Variants in KRTAP7-1 observed in about 807,000 individuals in gnomAD.
KRTAP7-1 encodes keratin-associated protein 7-1.
In KRTAP7-1, 4 loss-of-function variants were observed where a neutral mutation model predicts 5.1. The ratio of observed to expected loss-of-function variants is 0.78; its 90% CI spans 0.38 to 1.79. The LOEUF (loss-of-function observed/expected upper bound fraction) is 1.79, where lower values mean the gene tolerates loss of function less well. Among genes scored for constraint, KRTAP7-1 ranks in the 40% most tolerant of loss-of-function variants. The pLI is 0.04. For synonymous variants in KRTAP7-1, 42 were observed against 41.5 expected, an observed-to-expected ratio of 1.01 and a Z score of -0.05; for missense variants, 98 against 105.3, an observed-to-expected ratio of 0.93 and a Z score of 0.30.
In KRTAP7-1 at chr21:30,829,510, G is replaced by T. The variant is rs1448418574; in HGVS notation, c.189C>A (p.Asn63Lys). Residue 63 changes from asparagine (N) to lysine (K), a missense_variant, in exon 1 of 1, where the codon AAC becomes AAA. By Grantham distance (94) the Asn-to-Lys change is moderately conservative. Coordinates refer to ENST00000621162, the MANE Select transcript of KRTAP7-1 (RefSeq NM_181606.3). ...AGCTACCACCATAGCAGCCGCCCAGGTTGTTGATGTTGCTACCACCAAAGC... is the reference window on the plus strand; with the variant it reads ...AGCTACCACCATAGCAGCCGCCCAGTTTGTTGATGTTGCTACCACCAAAGC... ...GYSFGGSNIN[N>K]LGGCYGGSFY... 6.4e-7 allele frequency: 1 copy of T among 1,551,532 alleles called. No homozygotes were observed. The highest frequency in any genetic ancestry group is 8.7e-7 in the Non-Finnish European group (1 of 1,146,966).
At position 30,829,246 on chromosome 21, in the gene KRTAP7-1, T is replaced by G. The variant is rs575154053; in HGVS notation, c.*189A>C. On this transcript the variant is annotated 3_prime_UTR_variant, in exon 1 of 1. Coordinates refer to ENST00000621162, the MANE Select transcript of KRTAP7-1 (RefSeq NM_181606.3). ...TCCTTTGTCTGTAGATGAGTATCAGTTCAGCACCTGAGTCCTGGGTGACTT... is the reference window on the plus strand; with the variant it reads ...TCCTTTGTCTGTAGATGAGTATCAGGTCAGCACCTGAGTCCTGGGTGACTT... 6 of 640,746 alleles carry G rather than the reference T, an allele frequency of 9.4e-6. No individual in the cohort carries two copies. Among genetic ancestry groups the G allele is most frequent in the Non-Finnish European group, 7.9e-6 (3 of 379,060 alleles). The allele number at this position is 640,746 out of a possible 1,614,324, so 39.7% of individuals were successfully genotyped here.
At position 30,829,613 on chromosome 21, in the gene KRTAP7-1, G is replaced by A. The variant is rs1371000387; in HGVS notation, c.86C>T (p.Pro29Leu). ...GCCCAGAGGCACAACACAGTTCAAG[G>A]GGGTGGCTCTGAAGGTCCCATGGAA... Reference protein sequence around the residue: ...TNFHGTFRATPLNCVVPLGSP... With the variant: ...TNFHGTFRATLLNCVVPLGSP... Residue 29 changes from proline (P) to leucine (L), a missense_variant, in exon 1 of 1, where the codon CCC (proline) becomes CTC (leucine). By Grantham distance (98) the Pro-to-Leu change is moderately conservative. Transcript: ENST00000621162. 6.4e-7 allele frequency: 1 copy of A among 1,551,494 alleles called. No homozygotes were observed. Among genetic ancestry groups the A allele is most frequent in the Non-Finnish European group, 8.7e-7 (1 of 1,146,948 alleles).
rs778982123 is a variant in KRTAP7-1, at chr21:30,829,505, C to T, written c.194G>A (p.Gly65Asp). ...SFGGSNINNL[G>D]GCYGGSFYRP... is the part of the protein sequence containing the mutation. Reference sequence around the variant, plus strand: ...ATAGAAGCTACCACCATAGCAGCCGCCCAGGTTGTTGATGTTGCTACCACC... The same window carrying T: ...ATAGAAGCTACCACCATAGCAGCCGTCCAGGTTGTTGATGTTGCTACCACC... The change falls in exon 1 of 1, where the codon GGC becomes GAC. Residue 65 changes from glycine (G) to aspartate (D), a missense_variant. Coordinates refer to ENST00000621162, the MANE Select transcript of KRTAP7-1 (RefSeq NM_181606.3). The T allele has an allele frequency of 1.1e-5, 17 of 1,551,478 alleles. No homozygotes were observed. The highest frequency in any genetic ancestry group is 7.3e-5 in the East Asian group (3 of 40,916).
At position 30,829,579 on chromosome 21, in the gene KRTAP7-1, C is replaced by G; in HGVS notation, c.120G>C (p.Leu40=). The part of the protein sequence containing the change: ...LNCVVPLGSP[L]NYGCGCNGYS... The stretch of plus-strand genomic sequence containing the variant: ...AGCCATTGCATCCACAGCCATAGTT[C>G]AGGGGAGAGCCCAGAGGCACAACAC... Residue 40 remains leucine, a synonymous_variant, in exon 1 of 1, where the codon CTG becomes CTC. Coordinates refer to ENST00000621162, the MANE Select transcript of KRTAP7-1 (RefSeq NM_181606.3). 6.4e-7 allele frequency: 1 copy of G among 1,551,628 alleles called. No individual in the cohort carries two copies. Among genetic ancestry groups the G allele is most frequent in the Non-Finnish European group, 8.7e-7 (1 of 1,146,968 alleles).
At position 30,829,610 on chromosome 21, in the gene KRTAP7-1, A is replaced by T; in HGVS notation, c.89T>A (p.Leu30Ter). 6.4e-7 allele frequency: 1 copy of T among 1,551,644 alleles called. No individual in the cohort carries two copies. The highest frequency in any genetic ancestry group is 8.7e-7 in the Non-Finnish European group (1 of 1,146,934). ...NFHGTFRATPLNCVVPLGSPL... is the reference protein window; with the variant it reads ...NFHGTFRATP Reference sequence around the variant, plus strand: ...AGAGCCCAGAGGCACAACACAGTTCAAGGGGGTGGCTCTGAAGGTCCCATG... The same window carrying T: ...AGAGCCCAGAGGCACAACACAGTTCTAGGGGGTGGCTCTGAAGGTCCCATG... The change falls in exon 1 of 1, where the codon TTG becomes TAG. Residue 30 changes from leucine (L) to a stop codon, truncating the protein, a stop_gained. Transcript: ENST00000621162. LOFTEE classifies it high-confidence loss of function.
In KRTAP7-1 at chr21:30,829,329, G is replaced by T; in HGVS notation, c.*106C>A. The T allele has an allele frequency of 1.6e-6, 2 of 1,259,040 alleles. No homozygotes were observed. The highest frequency in any genetic ancestry group is 2.2e-6 in the Non-Finnish European group (2 of 924,558). 78.0% of individuals were successfully genotyped at this position (1,259,040 alleles called of 1,614,324 possible). On this transcript the variant is annotated 3_prime_UTR_variant, in exon 1 of 1. Coordinates refer to ENST00000621162, the MANE Select transcript of KRTAP7-1 (RefSeq NM_181606.3). The stretch of plus-strand genomic sequence containing the variant: ...AGAAGTCAGCAAGAAGATGGAAGAT[G>T]TATCACCCAAGCACATGGGAAGGTA...
Position 30,829,224 on chromosome 21 carries a change from T to C in KRTAP7-1, c.*211A>G. On this transcript the variant is annotated 3_prime_UTR_variant, in exon 1 of 1. Transcript: ENST00000621162. ...GACCAAAAAAATGCATCTTGCTTCC[T>C]TTGTCTGTAGATGAGTATCAGTTCA... 1.8e-6 allele frequency: 1 copy of C among 546,848 alleles called. No homozygotes were observed. Among genetic ancestry groups the C allele is most frequent in the Non-Finnish European group, 3.1e-6 (1 of 318,866 alleles). 33.9% of individuals were successfully genotyped at this position (546,848 alleles called of 1,614,324 possible). A position where few individuals can be genotyped will look rare whatever the true frequency, so the allele number is the denominator to read the frequency against.
chr21:30,829,328 T>C lies in KRTAP7-1; in HGVS notation c.*107A>G. The C allele has an allele frequency of 2.4e-6, 3 of 1,244,872 alleles. No homozygotes were observed. The highest frequency in any genetic ancestry group is 3.3e-6 in the Non-Finnish European group (3 of 912,310). The allele number at this position is 1,244,872 out of a possible 1,614,324, so 77.1% of individuals were successfully genotyped here. ...AAGAAGTCAGCAAGAAGATGGAAGA[T>C]GTATCACCCAAGCACATGGGAAGGT... is the stretch of plus-strand genomic sequence containing the variant. On this transcript the variant is annotated 3_prime_UTR_variant, in exon 1 of 1. Coordinates refer to ENST00000621162, the MANE Select transcript of KRTAP7-1 (RefSeq NM_181606.3).
In KRTAP7-1 at chr21:30,829,456, G is replaced by A. The variant is rs1257978510; in HGVS notation, c.243C>T (p.Gly81=). 17 of 1,551,482 alleles carry A rather than the reference G, an allele frequency of 1.1e-5. No homozygotes were observed. The highest frequency in any genetic ancestry group is 1.5e-5 in the Non-Finnish European group (17 of 1,146,956). The part of the protein sequence containing the change: ...SFYRPWGSGS[G]FGYSTY ...TCCATCAGTAGGTGCTGTAGCCAAAGCCAGAGCCAGAGCCCCATGGCCTAT... is the reference window on the plus strand; with the variant it reads ...TCCATCAGTAGGTGCTGTAGCCAAAACCAGAGCCAGAGCCCCATGGCCTAT... Residue 81 remains glycine, a synonymous_variant, in exon 1 of 1, where the codon GGC becomes GGT. Coordinates refer to ENST00000621162, the MANE Select transcript of KRTAP7-1 (RefSeq NM_181606.3).
Position 30,829,577 on chromosome 21 carries a change from T to C in KRTAP7-1, c.122A>G (p.Asn41Ser), listed in dbSNP as rs1476335480. The change falls in exon 1 of 1, where the codon AAC (asparagine) becomes AGC (serine). Residue 41 changes from asparagine (N) to serine (S), a missense_variant. By Grantham distance (46) the Asn-to-Ser change is conservative. Coordinates refer to ENST00000621162, the MANE Select transcript of KRTAP7-1 (RefSeq NM_181606.3). ...NCVVPLGSPL[N>S]YGCGCNGYSS... is the part of the protein sequence containing the mutation. ...GTAGCCATTGCATCCACAGCCATAG[T>C]TCAGGGGAGAGCCCAGAGGCACAAC... The C allele has an allele frequency of 3.2e-6, 5 of 1,551,530 alleles. No individual in the cohort carries two copies. The highest frequency in any genetic ancestry group is 1.4e-5 in the African/African-American group (1 of 73,044).
chr21:30,829,725 A>G lies in KRTAP7-1; in HGVS notation c.-27T>C. On this transcript the variant is annotated 5_prime_UTR_variant, in exon 1 of 1. Transcript: ENST00000621162. ...GTGGCAGCAATTGAGAAGGATTTAG[A>G]TGGATTGTGAAGGGTAAGTTACCCA... is the stretch of plus-strand genomic sequence containing the variant. 1.3e-6 allele frequency: 2 copies of G among 1,530,782 alleles called. No individual in the cohort carries two copies. Among genetic ancestry groups the G allele is most frequent in the Non-Finnish European group, 1.8e-6 (2 of 1,135,736 alleles). The allele number at this position is 1,530,782 out of a possible 1,614,324, so 94.8% of individuals were successfully genotyped here. A position where few individuals can be genotyped will look rare whatever the true frequency, so the allele number is the denominator to read the frequency against.
chr21:30,829,159 T>C lies in KRTAP7-1; in HGVS notation c.*276A>G, dbSNP rs1352988696. 9 of 415,894 alleles carry C rather than the reference T, an allele frequency of 2.2e-5. No individual in the cohort carries two copies. The highest frequency in any genetic ancestry group is 8.1e-5 in the East Asian group (2 of 24,590). 25.8% of individuals were successfully genotyped at this position (415,894 alleles called of 1,614,324 possible). A position where few individuals can be genotyped will look rare whatever the true frequency, so the allele number is the denominator to read the frequency against. On this transcript the variant is annotated 3_prime_UTR_variant, in exon 1 of 1. Coordinates refer to ENST00000621162, the MANE Select transcript of KRTAP7-1 (RefSeq NM_181606.3). ...TAATAATACATGAGCAGAGCAACCA[T>C]GGGAGGCAAACTACTTTTTCACTGT...
Position 30,829,218 on chromosome 21 carries a change from G to C in KRTAP7-1, c.*217C>G. ...AAGTATGACCAAAAAAATGCATCTT[G>C]CTTCCTTTGTCTGTAGATGAGTATC... On this transcript the variant is annotated 3_prime_UTR_variant, in exon 1 of 1. Transcript: ENST00000621162. The C allele has an allele frequency of 1.9e-6, 1 of 530,124 alleles. No homozygotes were observed. The highest frequency in any genetic ancestry group is 3.2e-6 in the Non-Finnish European group (1 of 307,824). The allele number at this position is 530,124 out of a possible 1,614,324, so 32.8% of individuals were successfully genotyped here.
Position 30,829,749 on chromosome 21 carries a change from C to A in KRTAP7-1, c.-51G>T. On this transcript the variant is annotated 5_prime_UTR_variant, in exon 1 of 1. Coordinates refer to ENST00000621162, the MANE Select transcript of KRTAP7-1 (RefSeq NM_181606.3). Reference sequence around the variant, plus strand: ...GATGGATTGTGAAGGGTAAGTTACCCAAGTGTTAATGAAGGTCTCTTCCCG... The same window carrying A: ...GATGGATTGTGAAGGGTAAGTTACCAAAGTGTTAATGAAGGTCTCTTCCCG... 6.7e-7 allele frequency: 1 copy of A among 1,487,112 alleles called. No homozygotes were observed. The highest frequency in any genetic ancestry group is 1.3e-5 in the South Asian group (1 of 74,570). 92.1% of individuals were successfully genotyped at this position (1,487,112 alleles called of 1,614,324 possible). A position where few individuals can be genotyped will look rare whatever the true frequency, so the allele number is the denominator to read the frequency against.
chr21:30,829,751 A>G lies in KRTAP7-1; in HGVS notation c.-53T>C, dbSNP rs1458996014. On this transcript the variant is annotated 5_prime_UTR_variant, in exon 1 of 1. Transcript: ENST00000621162. ...TGGATTGTGAAGGGTAAGTTACCCA[A>G]GTGTTAATGAAGGTCTCTTCCCGTA... The G allele has an allele frequency of 5.4e-6, 8 of 1,480,978 alleles. No individual in the cohort carries two copies. The African/African-American group carries it at 1.1e-4, about 21-fold the overall frequency. 91.7% of individuals were successfully genotyped at this position (1,480,978 alleles called of 1,614,324 possible). A position where few individuals can be genotyped will look rare whatever the true frequency, so the allele number is the denominator to read the frequency against.
In KRTAP7-1 at chr21:30,829,444, G is replaced by C; in HGVS notation, c.255C>G (p.Ser85Arg). The change falls in exon 1 of 1, where the codon AGC becomes AGG. Residue 85 changes from serine (S) to arginine (R), a missense_variant. Coordinates refer to ENST00000621162, the MANE Select transcript of KRTAP7-1 (RefSeq NM_181606.3). ...PWGSGSGFGYSTY is the reference protein window; with the variant it reads ...PWGSGSGFGYRTY Reference sequence around the variant, plus strand: ...TGGAGCCATTGGTCCATCAGTAGGTGCTGTAGCCAAAGCCAGAGCCAGAGC... The same window carrying C: ...TGGAGCCATTGGTCCATCAGTAGGTCCTGTAGCCAAAGCCAGAGCCAGAGC... 6.4e-7 allele frequency: 1 copy of C among 1,551,502 alleles called. No individual in the cohort carries two copies. The highest frequency in any genetic ancestry group is 1.2e-5 in the South Asian group (1 of 84,050).
At position 30,829,275 on chromosome 21, in the gene KRTAP7-1, C is replaced by T; in HGVS notation, c.*160G>A. The T allele has an allele frequency of 1.2e-6, 1 of 803,178 alleles. No individual in the cohort carries two copies. The highest frequency in any genetic ancestry group is 1.9e-6 in the Non-Finnish European group (1 of 522,402). 49.8% of individuals were successfully genotyped at this position (803,178 alleles called of 1,614,324 possible). On this transcript the variant is annotated 3_prime_UTR_variant, in exon 1 of 1. Transcript: ENST00000621162. ...GCACCTGAGTCCTGGGTGACTTGTC[C>T]AACAGCATCAAAGACAAAGACCACA...
Position 30,829,491 on chromosome 21 carries a change from C to T in KRTAP7-1, c.208G>A (p.Gly70Ser), listed in dbSNP as rs1476561877. 1.3e-6 allele frequency: 2 copies of T among 1,551,650 alleles called. No individual in the cohort carries two copies. Among genetic ancestry groups the T allele is most frequent in the Non-Finnish European group, 1.7e-6 (2 of 1,146,970 alleles). Residue 70 changes from glycine (G) to serine (S), a missense_variant, in exon 1 of 1, where the codon GGT becomes AGT. Transcript: ENST00000621162. ...NINNLGGCYG[G>S]SFYRPWGSGS... is the part of the protein sequence containing the mutation. The stretch of plus-strand genomic sequence containing the variant: ...GAGCCCCATGGCCTATAGAAGCTAC[C>T]ACCATAGCAGCCGCCCAGGTTGTTG...
chr21:30,829,616 G>A lies in KRTAP7-1; in HGVS notation c.83C>T (p.Thr28Ile). The change falls in exon 1 of 1, where the codon ACC becomes ATC. Residue 28 changes from threonine to isoleucine, a missense_variant. Thr to Ile is a moderately conservative substitution (Grantham distance 89). Coordinates refer to ENST00000621162, the MANE Select transcript of KRTAP7-1 (RefSeq NM_181606.3). The part of the protein sequence containing the change: ...GTNFHGTFRA[T>I]PLNCVVPLGS... ...CAGAGGCACAACACAGTTCAAGGGG[G>A]TGGCTCTGAAGGTCCCATGGAAGTT... is the stretch of plus-strand genomic sequence containing the variant. The A allele has an allele frequency of 5.8e-6, 9 of 1,551,614 alleles. No homozygotes were observed. Among genetic ancestry groups the A allele is most frequent in the Non-Finnish European group, 7.8e-6 (9 of 1,146,948 alleles).
Sources: gnomAD v4.1 joint callset for allele counts on GRCh38, gnomAD v4.1.1 for gene constraint, MANE v1.5 for transcripts, NCBI Gene and HGNC (gene_info 2026-07-23, HGNC 2026-07-21) for gene names.